Variants in TMEM38B observed in about 807,000 individuals in gnomAD.
TMEM38B encodes the protein trimeric intracellular cation channel type B.
A neutral mutation model predicts 28.7 loss-of-function variants in TMEM38B; 24 were observed. The ratio of observed to expected loss-of-function variants is 0.84; its 90% CI spans 0.61 to 1.18. The LOEUF (loss-of-function observed/expected upper bound fraction) is 1.18, where lower values mean the gene tolerates loss of function less well. Ranked by LOEUF, TMEM38B falls within the 50% of genes most tolerant of loss-of-function variation. The pLI is 0.00. For synonymous variants in TMEM38B, 131 were observed against 127.7 expected, an observed-to-expected ratio of 1.03 and a Z score of -0.17; for missense variants, 380 against 350.9, an observed-to-expected ratio of 1.08 and a Z score of -0.66.
chr9:105,751,383 C>T (rs894247111), intron 5 of TMEM38B, among the ~76,000 whole-genome samples: 1 of 152,208 alleles, frequency 6.6e-6, no homozygotes, highest in Non-Finnish European at 1.5e-5. Flanking sequence ...ACCCGTAGAT[C>T]AGGAAATCCC....
chr9:105,694,861 G>C (rs534871597), intron 1 of TMEM38B, 89 bp downstream of exon 1: 50 of 770,390 alleles, frequency 6.5e-5, no homozygotes, highest in South Asian at 4.4e-4. Context: ...GGGTCGGGTG[G>C]GCGGCTGAGT....
intron 4 of TMEM38B, among the ~76,000 whole-genome samples, chr9:105,732,680 G>A (rs912331113): frequency 6.6e-6 from 1 of 152,030 alleles, no homozygotes; most frequent in African/African-American, 2.4e-5. Flanking sequence ...CTCTGTTTTG[G>A]TACCAGTACC....
intron 5 of TMEM38B, chr9:105,758,237 T>C: frequency 1.5e-6 from 1 of 660,976 alleles, no homozygotes; most frequent in Non-Finnish European, 2.7e-6. Flanking sequence ...GGGCATGTAT[T>C]ATTCGTCCTA....
intron 4 of TMEM38B, among the ~76,000 whole-genome samples, chr9:105,729,689 A>C (rs965610248): frequency 6.6e-6 from 1 of 152,076 alleles, no homozygotes; most frequent in Non-Finnish European, 1.5e-5. Flanking sequence ...CCATTTTCAC[A>C]ATATTGATTC....
chr9:105,719,033 G>T (rs1394463349), intron 2 of TMEM38B, among the ~76,000 whole-genome samples: 1 of 152,216 alleles, frequency 6.6e-6, no homozygotes, highest in Non-Finnish European at 1.5e-5. Context: ...TCTTAGTTAA[G>T]TGATACTGTC....
rs1330456704 is a variant in TMEM38B at position 105,722,568 on chromosome 9, G to T, written c.489G>T (p.Arg163Ser). 1.2e-6 allele frequency: 2 copies of T among 1,613,580 alleles called. No individual in the cohort carries two copies. Among genetic ancestry groups the T allele is most frequent in the Admixed American group, 3.3e-5 (2 of 59,988 alleles). Residue 163 changes from arginine (R) to serine (S), a missense_variant, in exon 4 of 6, where the codon AGG becomes AGT. Arg to Ser is a moderately radical substitution (Grantham distance 110). Coordinates refer to ENST00000374692, the MANE Select transcript of TMEM38B (RefSeq NM_018112.3). ...GTACCATTATAACGAATTTTGAGAGGTTGGTAAAAGGAGATTGGAAACCAG... is the reference window on the plus strand; with the variant it reads ...GTACCATTATAACGAATTTTGAGAGTTTGGTAAAAGGAGATTGGAAACCAG... ...AGGTIITNFE[R>S]LVKGDWKPEG...
chr9:105,760,657 A>G lies in TMEM38B; in HGVS notation c.660+12467A>G, dbSNP rs1255873627. The stretch of plus-strand genomic sequence containing the variant: ...CTTGATATATCAGAAAAGATTTCCA[A>G]CCACGGAGATTGAAGCAGCACTTTT... On this transcript the variant is annotated intron_variant, in intron 5 of 5. Transcript: ENST00000374692. The G allele has an allele frequency of 1.4e-5, 13 of 935,002 alleles. 1 individual carries two copies. The highest frequency in any genetic ancestry group is 9.7e-5 in the African/African-American group (6 of 61,982). 57.9% of individuals were successfully genotyped at this position (935,002 alleles called of 1,614,324 possible). A position where few individuals can be genotyped will look rare whatever the true frequency, so the allele number is the denominator to read the frequency against.
At chr9:105,724,535 A>G (rs10816303) in intron 4 of TMEM38B, among the ~76,000 whole-genome samples, 19,963 of 151,790 alleles carry the variant, frequency 0.13, 1,511 homozygotes, top group Middle Eastern at 0.26. Context: ...AGGCAGGAGA[A>G]TCACTTGAAC....
intron 4 of TMEM38B, among the ~76,000 whole-genome samples, chr9:105,740,132 C>T (rs886497200): frequency 1.3e-5 from 2 of 152,054 alleles, no homozygotes; most frequent in African/African-American, 4.8e-5. Context: ...ATCCACCCGC[C>T]TTGGCCTCCG....
At chr9:105,713,720 C>G (rs1588404457) in intron 2 of TMEM38B, among the ~76,000 whole-genome samples, 2 of 152,192 alleles carry the variant, frequency 1.3e-5, no homozygotes, top group East Asian at 3.9e-4. Flanking sequence ...AAGCCTGGAG[C>G]TGGGCTGCCA....
chr9:105,711,122 G>A lies in TMEM38B; in HGVS notation c.269+5369G>A, dbSNP rs114777590. ...CATCATTTAGATTAGGAAAAAAATTGTCACTTAAATAAATCTTTGTATTAA... is the reference window on the plus strand; with the variant it reads ...CATCATTTAGATTAGGAAAAAAATTATCACTTAAATAAATCTTTGTATTAA... On this transcript the variant is annotated intron_variant, in intron 2 of 5. Transcript: ENST00000374692. Among the ~76,000 whole-genome samples, 1,194 of 152,296 alleles carry A rather than the reference G, an allele frequency of 7.8e-3. 15 individuals are homozygous for A. The highest frequency in any genetic ancestry group is 0.027 in the African/African-American group (1,136 of 41,552).
intron 4 of TMEM38B, among the ~76,000 whole-genome samples, chr9:105,734,149 C>T (rs1308008835): frequency 2.6e-5 from 4 of 151,946 alleles, no homozygotes; most frequent in African/African-American, 7.2e-5. Flanking sequence ...TTTCCATTGT[C>T]ATTTGTTTCA....
chr9:105,737,195 A>G (rs1837016583), intron 4 of TMEM38B, among the ~76,000 whole-genome samples: 1 of 152,144 alleles, frequency 6.6e-6, no homozygotes, highest in Non-Finnish European at 1.5e-5. Context: ...ATCGGCCACA[A>G]AGTTAGGGTC....
chr9:105,752,989 A>T (rs998286352), intron 5 of TMEM38B, among the ~76,000 whole-genome samples: 4 of 152,238 alleles, frequency 2.6e-5, no homozygotes, highest in African/African-American at 9.6e-5. Flanking sequence ...ACCTGATGGA[A>T]CTGGAAAACA....
intron 4 of TMEM38B, among the ~76,000 whole-genome samples, chr9:105,730,538 C>T (rs7867049): frequency 0.21 from 32,000 of 151,450 alleles, 5,256 homozygotes; most frequent in East Asian, 0.47. Flanking sequence ...TCTCTTTATT[C>T]GTTGTTGCCA....
At position 105,758,705 on chromosome 9, in the gene TMEM38B, A is replaced by T; in HGVS notation, c.660+10515A>T. On this transcript the variant is annotated intron_variant, in intron 5 of 5. Transcript: ENST00000374692. ...ATCCAGAATTGAGAAAAAACAACAT[A>T]GAGAACTTTTCCAAAGATAAAGATA... 5.4e-6 allele frequency: 4 copies of T among 742,564 alleles called. No individual in the cohort carries two copies. In the Admixed American group the frequency reaches 9.0e-5, roughly 17 times the overall value. The allele number at this position is 742,564 out of a possible 1,614,324, so 46.0% of individuals were successfully genotyped here.
At chr9:105,750,192 T>C (rs1837595987) in intron 5 of TMEM38B, among the ~76,000 whole-genome samples, 1 of 152,206 alleles carries the variant, frequency 6.6e-6, no homozygotes, top group South Asian at 2.1e-4. Context: ...TTATATTTTG[T>C]TTTAGTGTTG....
intron 5 of TMEM38B, chr9:105,749,162 T>C: frequency 1.7e-5 from 21 of 1,240,116 alleles, no homozygotes; most frequent in Non-Finnish European, 2.2e-5. Context: ...CTTCCAGTCC[T>C]CAAATGTTGA....
At chr9:105,763,034 T>C (rs1330882777) in intron 5 of TMEM38B, among the ~76,000 whole-genome samples, 2 of 147,864 alleles carry the variant, frequency 1.4e-5, no homozygotes, top group East Asian at 2.0e-4. Context: ...TTTCATGTGT[T>C]TTTTGGCTGC....
Sources: allele counts gnomAD v4.1 joint callset (sites outside exome capture counted in the v4.1 genomes callset), GRCh38; gene constraint gnomAD v4.1.1; transcripts MANE v1.5; gene names NCBI Gene and HGNC (gene_info 2026-07-23, HGNC 2026-07-21).